The following COG6 variants were observed in gnomAD, a reference collection of about 807,000 sequenced individuals.
COG6 encodes the protein conserved oligomeric Golgi complex subunit 6.
A neutral mutation model predicts 88.8 loss-of-function variants in COG6; 74 were observed. That is an observed-to-expected ratio of 0.83 (90% CI 0.69 to 1.01). The LOEUF (loss-of-function observed/expected upper bound fraction) is 1.01, where lower values mean the gene tolerates loss of function less well. Ranked by LOEUF, COG6 falls within the 50% of genes least tolerant of loss-of-function variation. The pLI is 0.00. For synonymous variants in COG6, 286 were observed against 278.7 expected, an observed-to-expected ratio of 1.03 and a Z score of -0.26; for missense variants, 800 against 797.9, an observed-to-expected ratio of 1.00 and a Z score of -0.03.
At chr13:39,740,867 C>T (rs1371361288) in intron 18 of COG6, among the ~76,000 whole-genome samples, 2 of 152,090 alleles carry the variant, frequency 1.3e-5, no homozygotes, top group African/African-American at 4.8e-5. Flanking sequence ...TTAGGCTTAA[C>T]GCCTTTTTTT....
chr13:39,776,866 TTTAA>T (rs1469479722), intron 18 of COG6, among the ~76,000 whole-genome samples: 3 of 152,268 alleles, frequency 2.0e-5, no homozygotes, highest in African/African-American at 7.2e-5. Context: ...ATTTTGTTTA[TTTAA>T]TTGCTTATTT....
At chr13:39,749,935 G>A (rs981756634) in intron 18 of COG6, among the ~76,000 whole-genome samples, 36 of 152,246 alleles carry the variant, frequency 2.4e-4, no homozygotes, top group Middle Eastern at 3.4e-3. Flanking sequence ...TAACAACAGT[G>A]CCTAGGATGG....
In COG6 at chr13:39,752,001, G is replaced by A. The variant is rs1428740615; in HGVS notation, c.*908G>A. On this transcript the variant is annotated 3_prime_UTR_variant, in exon 19 of 19. Coordinates refer to ENST00000455146, the MANE Select transcript of COG6 (RefSeq NM_020751.3). The stretch of plus-strand genomic sequence containing the variant: ...CAAACATTGGAGAAAAAAACTGCCA[G>A]AGGAGGAGTTGCCAATTGGCAGTGT... 1.6e-6 allele frequency: 2 copies of A among 1,251,204 alleles called. No homozygotes were observed. The highest frequency in any genetic ancestry group is 2.5e-5 in the South Asian group (2 of 80,198). 77.5% of individuals were successfully genotyped at this position (1,251,204 alleles called of 1,614,324 possible).
chr13:39,705,542 T>C (rs970939193), intron 13 of COG6, among the ~76,000 whole-genome samples: 5 of 152,144 alleles, frequency 3.3e-5, no homozygotes, highest in African/African-American at 1.2e-4. Context: ...TCTAAAATTA[T>C]TTCTCACTAT....
chr13:39,677,362 T>C, intron 4 of COG6, 106 bp from the exon 5 acceptor site: 1 of 718,222 alleles, frequency 1.4e-6, no homozygotes, highest in Non-Finnish European at 2.5e-6. Context: ...TGAGAACTTT[T>C]CATACCTTTG....
chr13:39,746,964 A>G (rs1490300206), intron 18 of COG6, among the ~76,000 whole-genome samples: 2 of 152,196 alleles, frequency 1.3e-5, no homozygotes, highest in African/African-American at 4.8e-5. Flanking sequence ...TTTTAAAACA[A>G]TAACTCATTA....
intron 4 of COG6, among the ~76,000 whole-genome samples, chr13:39,669,526 T>A (rs1056743943): frequency 3.9e-5 from 6 of 152,234 alleles, no homozygotes; most frequent in African/African-American, 1.4e-4. Flanking sequence ...GACAATTTCT[T>A]ATTCTCCTTT....
At chr13:39,750,513 GTTTAC>G (rs577682684) in intron 18 of COG6, among the ~76,000 whole-genome samples, 36 of 152,314 alleles carry the variant, frequency 2.4e-4, no homozygotes, top group Non-Finnish European at 3.8e-4. Context: ...TGAAAGAGCA[GTTTAC>G]TTTAAGTTTT....
At chr13:39,687,891 A>G in intron 10 of COG6, 92 bp downstream of exon 10, 5 of 852,384 alleles carry the variant, frequency 5.9e-6, no homozygotes, top group Non-Finnish European at 9.7e-6. Flanking sequence ...CTTCACTTAG[A>G]TAAACACCTT....
chr13:39,781,067 CTA>C (rs1241310989), intron 18 of COG6, among the ~76,000 whole-genome samples: 2 of 152,160 alleles, frequency 1.3e-5, no homozygotes, highest in Admixed American at 6.5e-5. Flanking sequence ...CATTTGGCCT[CTA>C]AATCTCTTTC....
At chr13:39,705,723 G>A (rs1396707288) in intron 13 of COG6, among the ~76,000 whole-genome samples, 1 of 151,998 alleles carries the variant, frequency 6.6e-6, no homozygotes, top group African/African-American at 2.4e-5. Context: ...TTACTGCTTT[G>A]AATCTCTTTT....
intron 7 of COG6, among the ~76,000 whole-genome samples, chr13:39,681,165 G>T (rs1477392842): frequency 6.6e-6 from 1 of 152,222 alleles, no homozygotes; most frequent in Non-Finnish European, 1.5e-5. Flanking sequence ...GTTACCAACT[G>T]ACTGTTGGAA....
rs544831978 is a variant in COG6 at position 39,687,569 on chromosome 13, C to T, written c.855C>T (p.Leu285=). 3.6e-4 allele frequency: 588 copies of T among 1,613,502 alleles called. 9 individuals are homozygous for T. In the South Asian group the frequency reaches 6.2e-3, roughly 17 times the overall value. The stretch of plus-strand genomic sequence containing the variant: ...TTGTTCGTGGATTTATTGATGCGCT[C>T]ACAAGAGGGGGCCCCGGAGGTACAC... ...STVVRGFIDA[L]TRGGPGGTPR... Residue 285 remains leucine (L), a synonymous_variant, in exon 9 of 19, where the codon CTC becomes CTT. Coordinates refer to ENST00000455146, the MANE Select transcript of COG6 (RefSeq NM_020751.3).
intron 18 of COG6, among the ~76,000 whole-genome samples, chr13:39,746,288 G>T (rs1043374536): frequency 6.6e-6 from 1 of 151,250 alleles, no homozygotes; most frequent in Non-Finnish European, 1.5e-5. Context: ...ATATCTTTTG[G>T]TGTTGTGAAA....
At chr13:39,762,761 G>GTTTTTT (rs199547975) in intron 18 of COG6, among the ~76,000 whole-genome samples, 1 of 139,194 alleles carries the variant, frequency 7.2e-6, no homozygotes, top group African/African-American at 2.6e-5. Flanking sequence ...CAAAATAAGA[G>GTTTTTT]TTTTTTTTTT....
chr13:39,687,167 C>T (rs1439839258), intron 8 of COG6, among the ~76,000 whole-genome samples: 1 of 151,974 alleles, frequency 6.6e-6, no homozygotes, highest in South Asian at 2.1e-4. Context: ...TATACTGAAA[C>T]CTAAAAAGTT....
At chr13:39,775,799 T>G (rs964780103) in intron 18 of COG6, among the ~76,000 whole-genome samples, 4 of 152,042 alleles carry the variant, frequency 2.6e-5, no homozygotes, top group African/African-American at 9.7e-5. Context: ...GACGGAGTTT[T>G]GCTCTTGTTG....
At chr13:39,778,183 A>G (rs1479433664) in intron 18 of COG6, among the ~76,000 whole-genome samples, 2 of 152,226 alleles carry the variant, frequency 1.3e-5, no homozygotes, top group African/African-American at 2.4e-5. Flanking sequence ...TACATATCCA[A>G]TTTGGGTAAA....
At chr13:39,679,226 T>A (rs1876159768) in intron 5 of COG6, 1 of 331,530 alleles carries the variant, frequency 3.0e-6, no homozygotes, top group East Asian at 6.7e-5. Flanking sequence ...ATTTTTAGTT[T>A]TGCATTTCTC....
Sources: gnomAD v4.1 joint callset for allele counts (sites outside exome capture counted in the v4.1 genomes callset) on GRCh38, gnomAD v4.1.1 for gene constraint, MANE v1.5 for transcripts, NCBI Gene and HGNC (gene_info 2026-07-23, HGNC 2026-07-21) for gene names.